The following SYNE2 variants were observed in gnomAD, a reference collection of about 807,000 sequenced individuals.
The protein encoded by SYNE2 is spectrin repeat containing nuclear envelope protein 2.
In SYNE2, 431 loss-of-function variants were observed where a neutral mutation model predicts 856.3. The observed-to-expected ratio is 0.50, with a 90% CI of 0.47 to 0.55. SYNE2 has a LOEUF of 0.55. Among genes scored for constraint, SYNE2 ranks in the 20% least tolerant of loss-of-function variants. SYNE2 has a pLI of 0.00. For missense variants in SYNE2, 8,129 were observed against 8,023.2 expected (o/e 1.01, Z -0.50); for synonymous variants, 2,923 against 2,872.3 (o/e 1.02, Z -0.56).
rs1471673005 is a variant in SYNE2, at chr14:64,087,947, C to T, written c.11670+91C>T. 11 of 1,401,090 alleles carry T rather than the reference C, an allele frequency of 7.9e-6. No homozygotes were observed. In the East Asian group the frequency reaches 2.4e-4, roughly 31 times the overall value. 86.8% of individuals were successfully genotyped at this position (1,401,090 alleles called of 1,614,324 possible). On this transcript the variant is annotated intron_variant, in intron 58 of 115. Transcript: ENST00000555002. ...CCTATAATTCCAGCACTTTGGGAGGCCAAGGCGGGTGGATCACTTGAGGTC... is the reference window on the plus strand; with the variant it reads ...CCTATAATTCCAGCACTTTGGGAGGTCAAGGCGGGTGGATCACTTGAGGTC...
At chr14:64,183,376 C>T (rs1279772393) in intron 96 of SYNE2, among the ~76,000 whole-genome samples, 2 of 151,928 alleles carry the variant, frequency 1.3e-5, no homozygotes, top group Non-Finnish European at 2.9e-5. Flanking sequence ...GGCAGAGATG[C>T]TCCTCACTTC....
intron 63 of SYNE2, chr14:64,099,208 A>G (rs2097701510): frequency 3.7e-6 from 1 of 270,688 alleles, no homozygotes; most frequent in Admixed American, 4.9e-5. Flanking sequence ...TTCCAATGAC[A>G]TGAAGAGTTG....
chr14:64,159,794 G>C (rs1434159284), intron 87 of SYNE2, among the ~76,000 whole-genome samples: 1 of 152,212 alleles, frequency 6.6e-6, no homozygotes, highest in Non-Finnish European at 1.5e-5. Flanking sequence ...CCTGCAGGGG[G>C]TGTTCAAACA....
chr14:64,033,747 AAG>A (rs2097061442), intron 45 of SYNE2, among the ~76,000 whole-genome samples: 2 of 152,212 alleles, frequency 1.3e-5, no homozygotes, highest in South Asian at 2.1e-4. Flanking sequence ...CTTGAATGAT[AAG>A]AGTTATTGAT....
At chr14:64,208,055 A>G (rs538483649) in intron 100 of SYNE2, 96 of 455,866 alleles carry the variant, frequency 2.1e-4, no homozygotes, top group Non-Finnish European at 4.1e-4. Context: ...ATGACCATGC[A>G]TTTTCTCTTC....
chr14:64,038,116 C>T (rs2097112671), intron 45 of SYNE2, among the ~76,000 whole-genome samples: 1 of 152,148 alleles, frequency 6.6e-6, no homozygotes, highest in African/African-American at 2.4e-5. Context: ...CTCCTCATCT[C>T]CCAGACGGGG....
At chr14:63,822,426 C>A (rs1255823323) in intron 1 of SYNE2, among the ~76,000 whole-genome samples, 6 of 152,146 alleles carry the variant, frequency 3.9e-5, no homozygotes, top group Non-Finnish European at 8.8e-5. Context: ...CCTGAGTAGG[C>A]TCACTATGTG....
intron 100 of SYNE2, among the ~76,000 whole-genome samples, chr14:64,207,084 A>C (rs1396548358): frequency 6.6e-6 from 1 of 152,222 alleles, no homozygotes; most frequent in Non-Finnish European, 1.5e-5. Context: ...ATCACCCTGC[A>C]CATTCTTCAC....
intron 1 of SYNE2, among the ~76,000 whole-genome samples, chr14:63,827,006 G>A (rs1260222067): frequency 4.6e-5 from 7 of 152,202 alleles, no homozygotes; most frequent in South Asian, 4.2e-4. Context: ...AGCTGGGCAC[G>A]GTAGCTCACG....
At chr14:64,035,990 G>C (rs1469752107) in intron 45 of SYNE2, among the ~76,000 whole-genome samples, 1 of 151,482 alleles carries the variant, frequency 6.6e-6, no homozygotes, top group Non-Finnish European at 1.5e-5. Flanking sequence ...GTGGTATATG[G>C]GTGGAAAATT....
intron 1 of SYNE2, among the ~76,000 whole-genome samples, chr14:63,792,044 C>T (rs936768566): frequency 3.3e-5 from 5 of 151,328 alleles, no homozygotes; most frequent in African/African-American, 2.4e-5. Context: ...AACATTGGCA[C>T]AGAGGAACAA....
chr14:64,000,888 A>G (rs2096748769), intron 28 of SYNE2, among the ~76,000 whole-genome samples, 169 bp downstream of exon 28: 1 of 152,230 alleles, frequency 6.6e-6, no homozygotes, highest in African/African-American at 2.4e-5. Flanking sequence ...GGAAACTGAT[A>G]CTCAGAGAGG....
chr14:63,891,703 T>TGA (rs1053460299), intron 1 of SYNE2, among the ~76,000 whole-genome samples: 1 of 152,066 alleles, frequency 6.6e-6, no homozygotes, highest in Non-Finnish European at 1.5e-5. Flanking sequence ...GGGGCTGTAG[T>TGA]GAGACTTGGA....
chr14:63,776,097 T>G (rs1418269448), intron 1 of SYNE2, among the ~76,000 whole-genome samples: 4 of 152,228 alleles, frequency 2.6e-5, no homozygotes, highest in Non-Finnish European at 5.9e-5. Context: ...TGGTAGCAGA[T>G]GATTAGTGAG....
chr14:63,960,701 C>A, intron 8 of SYNE2: 1 of 753,374 alleles, frequency 1.3e-6, no homozygotes. Context: ...TTGCATTCAC[C>A]CTTTTGTGAT....
chr14:63,857,467 C>G (rs1225191170), intron 1 of SYNE2, among the ~76,000 whole-genome samples: 1 of 152,192 alleles, frequency 6.6e-6, no homozygotes, highest in Non-Finnish European at 1.5e-5. Context: ...GCATATCTTT[C>G]ATTTCCCCTG....
chr14:64,022,454 C>T (rs1367674010), intron 37 of SYNE2, among the ~76,000 whole-genome samples: 10 of 151,502 alleles, frequency 6.6e-5, no homozygotes, highest in East Asian at 2.0e-4. Flanking sequence ...ATAGGGAGGC[C>T]GGGCGCGGTA....
At chr14:64,081,707 C>A in intron 57 of SYNE2, 127 bp downstream of exon 57, 1 of 1,075,786 alleles carries the variant, frequency 9.3e-7, no homozygotes, top group Non-Finnish European at 1.4e-6. Flanking sequence ...ATGTCAGTGG[C>A]AGAAGGAAGC....
intron 2 of SYNE2, among the ~76,000 whole-genome samples, chr14:63,940,001 G>A (rs960594714): frequency 6.6e-6 from 1 of 151,540 alleles, no homozygotes; most frequent in Non-Finnish European, 1.5e-5. Flanking sequence ...TAAAGTCTAG[G>A]TTAGGAACTC....
Sources: allele counts gnomAD v4.1 joint callset (sites outside exome capture counted in the v4.1 genomes callset), GRCh38; gene constraint gnomAD v4.1.1; transcripts MANE v1.5; gene names NCBI Gene and HGNC (gene_info 2026-07-23, HGNC 2026-07-21).